The following PLIN2 variants were observed in gnomAD, a reference collection of about 807,000 sequenced individuals.
PLIN2 encodes perilipin 2, also known as perilipin-2.
PLIN2 carries 33 observed loss-of-function variants against 30.6 expected under a neutral mutation model. That is an observed-to-expected ratio of 1.08 (90% CI 0.82 to 1.44). The LOEUF is 1.44. Among genes scored for constraint, PLIN2 ranks in the 40% most tolerant of loss-of-function variants. The pLI is 0.00. For synonymous variants in PLIN2, 205 were observed against 201.1 expected (o/e 1.02, Z -0.16); for missense variants, 610 against 531.8 (o/e 1.15, Z -1.45).
At chr9:19,113,316 A>G (rs1032005051), downstream of PLIN2, among the ~76,000 whole-genome samples, 2 of 151,888 alleles carry the variant, frequency 1.3e-5, no homozygotes, top group African/African-American at 4.8e-5. Flanking sequence ...CCTGGACAAC[A>G]GAGCAAGACT....
chr9:19,123,682 C>T (rs763320289), intron 3 of PLIN2, 35 bp from the exon 4 acceptor site: 13 of 1,549,586 alleles, frequency 8.4e-6, no homozygotes, highest in South Asian at 1.1e-5. Flanking sequence ...TAATGTAGTA[C>T]TATAGGTATA....
intron 2 of PLIN2, among the ~76,000 whole-genome samples, chr9:19,109,139 C>A (rs1818126961): frequency 6.6e-6 from 1 of 152,172 alleles, no homozygotes; most frequent in South Asian, 2.1e-4. Context: ...AAACAGCCAT[C>A]ACAAAACCCT....
downstream of PLIN2, among the ~76,000 whole-genome samples, chr9:19,114,650 T>C (rs1246806278): frequency 1.3e-5 from 2 of 150,684 alleles, no homozygotes; most frequent in Non-Finnish European, 1.5e-5. Context: ...GTGATCTGCC[T>C]GCCTCGGCCT....
downstream of PLIN2, among the ~76,000 whole-genome samples, chr9:19,113,924 G>A (rs1264434755): frequency 2.0e-5 from 3 of 151,562 alleles, no homozygotes; most frequent in Non-Finnish European, 4.4e-5. Flanking sequence ...ACAGGTGCAC[G>A]CCCCCATGCC....
intron 4 of PLIN2, among the ~76,000 whole-genome samples, chr9:19,121,855 C>G (rs765350974): frequency 2.0e-5 from 3 of 152,088 alleles, no homozygotes; most frequent in African/African-American, 7.2e-5. Context: ...CACTTGAACC[C>G]CAGAGGTGGA....
downstream of PLIN2, among the ~76,000 whole-genome samples, chr9:19,113,811 G>T (rs961800729): frequency 6.9e-6 from 1 of 145,932 alleles, no homozygotes; most frequent in African/African-American, 2.5e-5. Context: ...TCGCCCTGTC[G>T]CTGGACAGGC....
At chr9:19,120,076 T>C (rs74762900) in intron 5 of PLIN2, among the ~76,000 whole-genome samples, 1 of 151,988 alleles carries the variant, frequency 6.6e-6, no homozygotes, top group South Asian at 2.1e-4. Flanking sequence ...TTTTTTTTTT[T>C]GGAAACAGGT....
In PLIN2 at chr9:19,119,031, G is replaced by A. The variant is rs80337014; in HGVS notation, c.778-576C>T. ...TAATGTGTACATGAGTAAAGGATAA[G>A]TTAGCATTACAAAACAGAAAGGAAT... On this transcript the variant is annotated intron_variant, in intron 6 of 7. Transcript: ENST00000276914. Among the ~76,000 whole-genome samples the A allele has an allele frequency of 2.6e-3, 395 of 152,292 alleles. 9 individuals carry two copies. The East Asian group carries it at 0.058, about 22-fold the overall frequency.
At chr9:19,109,640 C>T (rs770290995) in intron 2 of PLIN2, among the ~76,000 whole-genome samples, 7 of 150,622 alleles carry the variant, frequency 4.6e-5, no homozygotes, top group Non-Finnish European at 8.9e-5. Flanking sequence ...TAGCTGATTA[C>T]CTAACAGAGG....
chr9:19,127,314 G>C lies in PLIN2; in HGVS notation c.-23+105C>G, dbSNP rs1042670647. 6.6e-6 allele frequency: 1 copy of C among 152,234 alleles called. No individual in the cohort carries two copies. The highest frequency in any genetic ancestry group is 1.5e-5 in the Non-Finnish European group (1 of 68,100). The allele number at this position is 152,234 out of a possible 1,614,324, so 9.4% of individuals were successfully genotyped here. A position where few individuals can be genotyped will look rare whatever the true frequency, so the allele number is the denominator to read the frequency against. ...CCCGTCCACCTTTGAGCCCCGCGGGGAGCAGAGCAGCGGTCCCAAGGCCCC... is the reference window on the plus strand; with the variant it reads ...CCCGTCCACCTTTGAGCCCCGCGGGCAGCAGAGCAGCGGTCCCAAGGCCCC... On this transcript the variant is annotated intron_variant, in intron 1 of 7. Transcript: ENST00000276914. This position sits in a 1 kb window ranked among gnomAD's most constrained non-coding sequence, Gnocchi z 4.3.
Position 19,115,770 on chromosome 9 carries a change from T to A in PLIN2, c.*478A>T, listed in dbSNP as rs1404825914. Reference sequence around the variant, plus strand: ...TGGAACAAACAGCATGTAACTGGTCTATCCTGCAGTGAATTTTATTGAATT... The same window carrying A: ...TGGAACAAACAGCATGTAACTGGTCAATCCTGCAGTGAATTTTATTGAATT... On this transcript the variant is annotated 3_prime_UTR_variant, in exon 8 of 8. Coordinates refer to ENST00000276914, the MANE Select transcript of PLIN2 (RefSeq NM_001122.4). 6.5e-6 allele frequency: 1 copy of A among 154,926 alleles called. No homozygotes were observed. The highest frequency in any genetic ancestry group is 2.4e-5 in the African/African-American group (1 of 41,466). The allele number at this position is 154,926 out of a possible 1,614,324, so 9.6% of individuals were successfully genotyped here.
At chr9:19,112,821 A>G (rs887240137), downstream of PLIN2, among the ~76,000 whole-genome samples, 2 of 152,152 alleles carry the variant, frequency 1.3e-5, no homozygotes. Context: ...ACCATGACCA[A>G]TGTGCACAGC....
At chr9:19,125,476 C>CGA (rs1320796870) in intron 3 of PLIN2, 1 of 152,036 alleles carries the variant, frequency 6.6e-6, no homozygotes, top group African/African-American at 2.4e-5. Flanking sequence ...CACCTGAGCC[C>CGA]GAGAGGCAGA....
At position 19,118,387 on chromosome 9, in the gene PLIN2, G is replaced by A. The variant is rs1388154100; in HGVS notation, c.846C>T (p.Tyr282=). 3 of 1,613,398 alleles carry A rather than the reference G, an allele frequency of 1.9e-6. No homozygotes were observed. Among genetic ancestry groups the A allele is most frequent in the African/African-American group, 2.7e-5 (2 of 75,024 alleles). Residue 282 remains tyrosine (Y), a synonymous_variant, in exon 7 of 8, where the codon TAC becomes TAT. Transcript: ENST00000276914. The stretch of plus-strand genomic sequence containing the variant: ...TCCTTTTCCACTCTACCCATGAGAG[G>A]TAGAGCTTATCCTGAGCATCCTGAA... ...QKIQDAQDKL[Y]LSWVEWKRSI... is the part of the protein sequence containing the mutation.
chr9:19,114,748 T>C (rs1403065042), downstream of PLIN2, among the ~76,000 whole-genome samples: 1 of 152,168 alleles, frequency 6.6e-6, no homozygotes, highest in African/African-American at 2.4e-5. Context: ...TAGTTTGACA[T>C]ATTTCATCTG....
intron 6 of PLIN2, among the ~76,000 whole-genome samples, chr9:19,118,970 G>A (rs1460270246): frequency 1.3e-5 from 2 of 152,208 alleles, no homozygotes; most frequent in Non-Finnish European, 2.9e-5. Flanking sequence ...TGGGATTATA[G>A]GCATGAGCCA....
rs559923518 is a variant in PLIN2, at chr9:19,125,090, C to T, written c.226+1024G>A. Among the ~76,000 whole-genome samples, 24 of 152,276 alleles carry T rather than the reference C, an allele frequency of 1.6e-4. No individual in the cohort carries two copies. In the South Asian group the frequency reaches 3.1e-3, roughly 20 times the overall value. On this transcript the variant is annotated intron_variant, in intron 3 of 7. Coordinates refer to ENST00000276914, the MANE Select transcript of PLIN2 (RefSeq NM_001122.4). The stretch of plus-strand genomic sequence containing the variant: ...GTGGTTGTTAGGAAATGGGGAGTGA[C>T]TACTAAGTATGAGAGTATGAGATTT...
downstream of PLIN2, among the ~76,000 whole-genome samples, chr9:19,113,194 C>G (rs1025151032): frequency 6.6e-6 from 1 of 151,882 alleles, no homozygotes; most frequent in African/African-American, 2.4e-5. Context: ...AAGACAAAAA[C>G]TAGCCAGGCA....
Position 19,121,279 on chromosome 9 carries a change from T to C in PLIN2, c.310-114A>G, listed in dbSNP as rs1234096158. The stretch of plus-strand genomic sequence containing the variant: ...GAGTTAAAGAAGGAATCTAGTCCTC[T>C]CACTCTAGCTTTAGGTCTTGGGCAA... On this transcript the variant is annotated intron_variant, in intron 4 of 7. Transcript: ENST00000276914. 5.5e-6 allele frequency: 5 copies of C among 903,084 alleles called. No individual in the cohort carries two copies. In the African/African-American group the frequency reaches 6.7e-5, roughly 12 times the overall value. The allele number at this position is 903,084 out of a possible 1,614,324, so 55.9% of individuals were successfully genotyped here. A position where few individuals can be genotyped will look rare whatever the true frequency, so the allele number is the denominator to read the frequency against.
Sources: gnomAD v4.1 joint callset for allele counts (sites outside exome capture counted in the v4.1 genomes callset) on GRCh38, gnomAD v4.1.1 for gene constraint, Gnocchi (gnomAD v3.1) non-coding constraint, MANE v1.5 for transcripts, NCBI Gene and HGNC (gene_info 2026-07-23, HGNC 2026-07-21) for gene names.